Variants in FEZF2 observed in about 807,000 individuals in gnomAD.
The protein encoded by FEZF2 is fez family zinc finger protein 2.
A neutral mutation model predicts 32.8 loss-of-function variants in FEZF2; 2 were observed. The observed-to-expected ratio is 0.06, with a 90% confidence interval of 0.02 to 0.19. The LOEUF (loss-of-function observed/expected upper bound fraction) is 0.19, where lower values mean the gene tolerates loss of function less well. FEZF2 is among the 10% of genes least tolerant of loss of function. FEZF2 has a pLI of 1.00. For synonymous variants in FEZF2, 322 were observed against 284.8 expected (o/e 1.13, Z -1.32); for missense variants, 516 against 625.4 (o/e 0.83, Z 1.87).
In FEZF2 at chr3:62,370,397, G is replaced by C. The variant is rs1704252192; in HGVS notation, c.1121-55C>G. On this transcript the variant is annotated intron_variant, in intron 4 of 4. Transcript: ENST00000283268. This position sits in a 1 kb window ranked among gnomAD's most constrained non-coding sequence, Gnocchi z 4.2. ...GGGTATGGAGTAGAATGGTGGGGAG[G>C]AAGAGGCGGGCGTCCCAGGGGCAGC... 1 of 1,587,244 alleles carries C rather than the reference G, an allele frequency of 6.3e-7. No individual in the cohort carries two copies. Among genetic ancestry groups the C allele is most frequent in the African/African-American group, 1.3e-5 (1 of 74,206 alleles).
At chr3:62,371,384 C>T (rs1383109347) in intron 3 of FEZF2, 35 bp from the exon 4 acceptor site, 6 of 1,602,786 alleles carry the variant, frequency 3.7e-6, no homozygotes, top group South Asian at 2.2e-5. Flanking sequence ...TAAGGAGAGG[C>T]CACCTCGGGA....
rs1301996318 is a variant in FEZF2 at position 62,372,055 on chromosome 3, C to T, written c.814G>A (p.Gly272Ser). The T allele has an allele frequency of 4.3e-6, 7 of 1,609,264 alleles. No homozygotes were observed. The East Asian group carries it at 1.1e-4, about 26-fold the overall frequency. ...TCGCAGGTGAAGTTTTTGGGCTTGC[C>T]ATCTGCGGAGCCTCCTGGCAGCTTG... ...HSKLPGGSAD[G>S]KPKNFTCEVC... The change falls in exon 2 of 5, where the codon GGC becomes AGC. Residue 272 changes from glycine to serine, a missense_variant. Transcript: ENST00000283268. This position sits in a 1 kb window ranked among gnomAD's most constrained non-coding sequence, Gnocchi z 9.6.
In FEZF2 at chr3:62,370,419, C is replaced by A. The variant is rs979742328; in HGVS notation, c.1121-77G>T. On this transcript the variant is annotated intron_variant, in intron 4 of 4. Coordinates refer to ENST00000283268, the MANE Select transcript of FEZF2 (RefSeq NM_018008.4). The surrounding 1 kb of genome is among the most constrained non-coding windows in gnomAD (Gnocchi z 4.2). ...GAGGAAGAGGCGGGCGTCCCAGGGG[C>A]AGCCCAGGTGCCTGCTCAAAAAAGG... is the stretch of plus-strand genomic sequence containing the variant. 5 of 1,517,512 alleles carry A rather than the reference C, an allele frequency of 3.3e-6. No individual in the cohort carries two copies. The African/African-American group carries it at 6.9e-5, about 21-fold the overall frequency. The allele number at this position is 1,517,512 out of a possible 1,614,324, so 94.0% of individuals were successfully genotyped here.
Position 62,370,470 on chromosome 3 carries a change from C to T in FEZF2, c.1121-128G>A. 1 of 930,230 alleles carries T rather than the reference C, an allele frequency of 1.1e-6. No homozygotes were observed. Among genetic ancestry groups the T allele is most frequent in the Non-Finnish European group, 1.6e-6 (1 of 610,076 alleles). 57.6% of individuals were successfully genotyped at this position (930,230 alleles called of 1,614,324 possible). A position where few individuals can be genotyped will look rare whatever the true frequency, so the allele number is the denominator to read the frequency against. ...CGACGCTTGGCTAGGCGGGCGCGAC[C>T]TCTTCGAGTGAAGAAGTTGTCAAAC... On this transcript the variant is annotated intron_variant, in intron 4 of 4. Transcript: ENST00000283268. The surrounding 1 kb of genome is among the most constrained non-coding windows in gnomAD (Gnocchi z 4.2).
In FEZF2 at chr3:62,372,539, ACCGCCG is replaced by A; in HGVS notation, c.324_329del (p.Gly116_Gly117del). On this transcript the variant is annotated inframe_deletion, in exon 2 of 5. Transcript: ENST00000283268. The surrounding 1 kb of genome is among the most constrained non-coding windows in gnomAD (Gnocchi z 9.6). The stretch of plus-strand genomic sequence containing the variant: ...GGGCCCCCCCGCCGCCGCCGCCGCC[ACCGCCG>A]CCGCCGCCTCCGCCGCCGCCCGCCC... The A allele has an allele frequency of 6.1e-6, 8 of 1,303,264 alleles. No homozygotes were observed. Among genetic ancestry groups the A allele is most frequent in the Non-Finnish European group, 7.8e-6 (8 of 1,022,466 alleles). 80.7% of individuals were successfully genotyped at this position (1,303,264 alleles called of 1,614,324 possible). A position where few individuals can be genotyped will look rare whatever the true frequency, so the allele number is the denominator to read the frequency against.
At position 62,371,577 on chromosome 3, in the gene FEZF2, G is replaced by C; in HGVS notation, c.943C>G (p.Arg315Gly). ...FVCKVCGKGF[R>G]QASTLCRHKI... ...TGCCTGCAGAGCGTGCTGGCCTGGC[G>C]AAAGCCTTTGCCGCAGACTTTGCAC... is the stretch of plus-strand genomic sequence containing the variant. The change falls in exon 3 of 5, where the codon CGC (arginine) becomes GGC (glycine). Residue 315 changes from arginine (R) to glycine (G), a missense_variant. Arg to Gly is a moderately radical substitution (Grantham distance 125). Transcript: ENST00000283268. The C allele has an allele frequency of 6.2e-7, 1 of 1,614,138 alleles. No individual in the cohort carries two copies. Among genetic ancestry groups the C allele is most frequent in the Non-Finnish European group, 8.5e-7 (1 of 1,180,008 alleles).
rs1326494931 is a variant in FEZF2, at chr3:62,369,977, G to A, written c.*106C>T. The A allele has an allele frequency of 2.3e-6, 3 of 1,319,530 alleles. No individual in the cohort carries two copies. The highest frequency in any genetic ancestry group is 3.0e-6 in the Non-Finnish European group (3 of 988,732). 81.7% of individuals were successfully genotyped at this position (1,319,530 alleles called of 1,614,324 possible). On this transcript the variant is annotated 3_prime_UTR_variant, in exon 5 of 5. Coordinates refer to ENST00000283268, the MANE Select transcript of FEZF2 (RefSeq NM_018008.4). This position sits in a 1 kb window ranked among gnomAD's most constrained non-coding sequence, Gnocchi z 4.2. Reference sequence around the variant, plus strand: ...TGCTGGTTTCGATAAATAGATTTTAGCCTCTCTGCTATAGTTTTTTTTTCT... The same window carrying A: ...TGCTGGTTTCGATAAATAGATTTTAACCTCTCTGCTATAGTTTTTTTTTCT...
At position 62,370,550 on chromosome 3, in the gene FEZF2, G is replaced by T. The variant is rs574088621; in HGVS notation, c.1121-208C>A. On this transcript the variant is annotated intron_variant, in intron 4 of 4. Transcript: ENST00000283268. This position sits in a 1 kb window ranked among gnomAD's most constrained non-coding sequence, Gnocchi z 4.2. ...GACAAGACCGAGACTGAGTCCCGCGGAGCCGCTCTGCGCTCCTGCTCTGCC... is the reference window on the plus strand; with the variant it reads ...GACAAGACCGAGACTGAGTCCCGCGTAGCCGCTCTGCGCTCCTGCTCTGCC... Among the ~76,000 whole-genome samples the T allele has an allele frequency of 6.6e-6, 1 of 152,282 alleles. No homozygotes were observed. The highest frequency in any genetic ancestry group is 1.9e-4 in the East Asian group (1 of 5,162).
In FEZF2 at chr3:62,373,112, G is replaced by T; in HGVS notation, c.-59+167C>A. 8.3e-6 allele frequency: 2 copies of T among 240,990 alleles called. No individual in the cohort carries two copies. The highest frequency in any genetic ancestry group is 1.6e-5 in the Non-Finnish European group (2 of 126,544). The allele number at this position is 240,990 out of a possible 1,614,324, so 14.9% of individuals were successfully genotyped here. A position where few individuals can be genotyped will look rare whatever the true frequency, so the allele number is the denominator to read the frequency against. ...CCCTGCCCTGGGACTTTGAAAGGGG[G>T]AAGAAGGGGGAGGGTTTACAAAAGA... On this transcript the variant is annotated intron_variant, in intron 1 of 4. Transcript: ENST00000283268. The surrounding 1 kb of genome is among the most constrained non-coding windows in gnomAD (Gnocchi z 5.5).
rs747888363 is a variant in FEZF2, at chr3:62,371,359, G to C, written c.988-10C>G. 1.9e-6 allele frequency: 3 copies of C among 1,612,834 alleles called. No individual in the cohort carries two copies. Among genetic ancestry groups the C allele is most frequent in the South Asian group, 1.1e-5 (1 of 90,848 alleles). ...ATTTATGTGGCTTTTCCTGAGGAAA[G>C]GGGCGAGTGCACAGTAAGGAGAGGC... On this transcript the variant is annotated splice_polypyrimidine_tract_variant and intron_variant, in intron 3 of 4. Coordinates refer to ENST00000283268, the MANE Select transcript of FEZF2 (RefSeq NM_018008.4).
At position 62,373,136 on chromosome 3, in the gene FEZF2, GAAAA is replaced by G; in HGVS notation, c.-59+139_-59+142del. The G allele has an allele frequency of 6.4e-6, 1 of 156,114 alleles. No homozygotes were observed. 9.7% of individuals were successfully genotyped at this position (156,114 alleles called of 1,614,324 possible). On this transcript the variant is annotated intron_variant, in intron 1 of 4. Transcript: ENST00000283268. The surrounding 1 kb of genome is among the most constrained non-coding windows in gnomAD (Gnocchi z 5.5). Reference sequence around the variant, plus strand: ...GGAAGAAGGGGGAGGGTTTACAAAAGAAAAGGGGGGGGGCGGTGAGAAAAGAGTC... The same window carrying G: ...GGAAGAAGGGGGAGGGTTTACAAAAGGGGGGGGGGCGGTGAGAAAAGAGTC...
At position 62,372,773 on chromosome 3, in the gene FEZF2, G is replaced by A. The variant is rs763518462; in HGVS notation, c.96C>T (p.Ile32=). 42 of 1,599,386 alleles carry A rather than the reference G, an allele frequency of 2.6e-5. No homozygotes were observed. Among genetic ancestry groups the A allele is most frequent in the Non-Finnish European group, 3.6e-5 (42 of 1,172,698 alleles). The stretch of plus-strand genomic sequence containing the variant: ...CCGACGTCTTGGCCATGATGCGCTC[G>A]ATGGAAAAGGCCAGTGTCTTGGAAG... ...PATSKTLAFS[I]ERIMAKTSEP... is the part of the protein sequence containing the mutation. Residue 32 remains isoleucine, a synonymous_variant, in exon 2 of 5, where the codon ATC becomes ATT. Transcript: ENST00000283268. The surrounding 1 kb of genome is among the most constrained non-coding windows in gnomAD (Gnocchi z 9.6).
Position 62,371,501 on chromosome 3 carries a change from C to T in FEZF2, c.987+32G>A, listed in dbSNP as rs377497207. 5 of 1,594,460 alleles carry T rather than the reference C, an allele frequency of 3.1e-6. No homozygotes were observed. In the African/African-American group the frequency reaches 6.7e-5, roughly 21 times the overall value. On this transcript the variant is annotated intron_variant, in intron 3 of 4. Transcript: ENST00000283268. ...TATCACTAAGATTCTGGGGGTTGCGCGCGGGCTAGGCCCGACCCGGGGGCC... is the reference window on the plus strand; with the variant it reads ...TATCACTAAGATTCTGGGGGTTGCGTGCGGGCTAGGCCCGACCCGGGGGCC...
Position 62,369,823 on chromosome 3 carries a change from G to C in FEZF2, c.*260C>G. On this transcript the variant is annotated 3_prime_UTR_variant, in exon 5 of 5. Coordinates refer to ENST00000283268, the MANE Select transcript of FEZF2 (RefSeq NM_018008.4). The surrounding 1 kb of genome is among the most constrained non-coding windows in gnomAD (Gnocchi z 4.2). ...GCTGGGGTTAAAACTGGCTGCCCCA[G>C]GAGAAGCGGAGGCCTGGAATTAAAT... 2.3e-6 allele frequency: 1 copy of C among 440,636 alleles called. No homozygotes were observed. Among genetic ancestry groups the C allele is most frequent in the Non-Finnish European group, 4.0e-6 (1 of 249,192 alleles). The allele number at this position is 440,636 out of a possible 1,614,324, so 27.3% of individuals were successfully genotyped here. A position where few individuals can be genotyped will look rare whatever the true frequency, so the allele number is the denominator to read the frequency against.
chr3:62,371,937 G>T (rs1704275485), intron 2 of FEZF2, 80 bp downstream of exon 2: 3 of 1,525,368 alleles, frequency 2.0e-6, no homozygotes, highest in Middle Eastern at 1.8e-4. Flanking sequence ...GCTTGAAAAA[G>T]GGGCATTCCA....
Position 62,372,352 on chromosome 3 carries a change from TGAA to T in FEZF2, c.514_516del (p.Phe172del), listed in dbSNP as rs1704284552. ...GGGTACGCGGTCGAGTCCAGGTAGT[TGAA>T]GTAGTAGAGCGAGCCGCTGGCCGGC... On this transcript the variant is annotated inframe_deletion, in exon 2 of 5. Coordinates refer to ENST00000283268, the MANE Select transcript of FEZF2 (RefSeq NM_018008.4). The surrounding 1 kb of genome is among the most constrained non-coding windows in gnomAD (Gnocchi z 9.6). 3.7e-6 allele frequency: 6 copies of T among 1,610,456 alleles called. No homozygotes were observed. The highest frequency in any genetic ancestry group is 5.1e-6 in the Non-Finnish European group (6 of 1,179,646).
chr3:62,372,539 A>ACCGCCGCCGCCGCCT lies in FEZF2; in HGVS notation c.315_329dup (p.Gly113_Gly117dup), dbSNP rs768105723. The ACCGCCGCCGCCGCCT allele has an allele frequency of 8.4e-6, 11 of 1,303,172 alleles. No individual in the cohort carries two copies. The East Asian group carries it at 9.0e-5, about 11-fold the overall frequency. The allele number at this position is 1,303,172 out of a possible 1,614,324, so 80.7% of individuals were successfully genotyped here. A position where few individuals can be genotyped will look rare whatever the true frequency, so the allele number is the denominator to read the frequency against. On this transcript the variant is annotated inframe_insertion, in exon 2 of 5. Coordinates refer to ENST00000283268, the MANE Select transcript of FEZF2 (RefSeq NM_018008.4). The surrounding 1 kb of genome is among the most constrained non-coding windows in gnomAD (Gnocchi z 9.6). ...GGGCCCCCCCGCCGCCGCCGCCGCC[A>ACCGCCGCCGCCGCCT]CCGCCGCCGCCGCCTCCGCCGCCGC...
rs369580257 is a variant in FEZF2 at position 62,373,140 on chromosome 3, A to AGG, written c.-59+137_-59+138dup. On this transcript the variant is annotated intron_variant, in intron 1 of 4. Transcript: ENST00000283268. This position sits in a 1 kb window ranked among gnomAD's most constrained non-coding sequence, Gnocchi z 5.5. ...GAAGGGGGAGGGTTTACAAAAGAAA[A>AGG]GGGGGGGGGCGGTGAGAAAAGAGTC... 508 of 127,500 alleles carry AGG rather than the reference A, an allele frequency of 4.0e-3. 1 individual carries two copies. Among genetic ancestry groups the AGG allele is most frequent in the Non-Finnish European group, 5.1e-3 (317 of 62,688 alleles). The allele number at this position is 127,500 out of a possible 1,614,324, so 7.9% of individuals were successfully genotyped here.
Position 62,372,871 on chromosome 3 carries a change from C to G in FEZF2, c.-3G>C. ...TCCAGGGAAGCCGAGCTTGCCATGG[C>G]GCGCGGAGCTGAGCCGAGCCAGGCT... On this transcript the variant is annotated 5_prime_UTR_variant, in exon 2 of 5. Transcript: ENST00000283268. This position sits in a 1 kb window ranked among gnomAD's most constrained non-coding sequence, Gnocchi z 9.6. 1 of 1,422,568 alleles carries G rather than the reference C, an allele frequency of 7.0e-7. No individual in the cohort carries two copies. The highest frequency in any genetic ancestry group is 1.5e-5 in the South Asian group (1 of 66,776). 88.1% of individuals were successfully genotyped at this position (1,422,568 alleles called of 1,614,324 possible). A position where few individuals can be genotyped will look rare whatever the true frequency, so the allele number is the denominator to read the frequency against.
Sources: allele counts gnomAD v4.1 joint callset (sites outside exome capture counted in the v4.1 genomes callset), GRCh38; gene constraint gnomAD v4.1.1; non-coding constraint Gnocchi (gnomAD v3.1); transcripts MANE v1.5; gene names NCBI Gene and HGNC (gene_info 2026-07-23, HGNC 2026-07-21).